The following DNAJC1 variants were observed in gnomAD, a reference collection of about 807,000 sequenced individuals.
DNAJC1 encodes the protein DnaJ heat shock protein family (Hsp40) member C1.
Under a neutral mutation model 76.6 loss-of-function variants are expected in DNAJC1, and 58 were observed. That is an observed-to-expected ratio of 0.76 (90% CI 0.61 to 0.94). The LOEUF (loss-of-function observed/expected upper bound fraction) is 0.94. Among genes scored for constraint, DNAJC1 ranks in the 40% least tolerant of loss-of-function variants. DNAJC1 has a pLI of 0.00. For missense variants in DNAJC1, 689 were observed against 677.3 expected (o/e 1.02, Z -0.19); for synonymous variants, 258 against 267.9 (o/e 0.96, Z 0.36).
At chr10:21,877,719 T>C (rs140253617) in intron 8 of DNAJC1, among the ~76,000 whole-genome samples, 75 of 152,310 alleles carry the variant, frequency 4.9e-4, no homozygotes, top group Non-Finnish European at 1.0e-3. Flanking sequence ...GCTGCTAAAG[T>C]ATAAATTGAC....
At chr10:21,896,735 AGG>A (rs367681859) in intron 7 of DNAJC1, among the ~76,000 whole-genome samples, 1 of 151,542 alleles carries the variant, frequency 6.6e-6, no homozygotes, top group Admixed American at 6.6e-5. Context: ...AAATTTTGGA[AGG>A]GGGGGGTTCA....
At chr10:21,784,601 G>A (rs924077315) in intron 9 of DNAJC1, among the ~76,000 whole-genome samples, 1 of 152,240 alleles carries the variant, frequency 6.6e-6, no homozygotes, top group African/African-American at 2.4e-5. Context: ...ACATGCACAC[G>A]TATGTTTATT....
chr10:21,939,689 G>A (rs1265326429), intron 1 of DNAJC1, among the ~76,000 whole-genome samples: 5 of 152,084 alleles, frequency 3.3e-5, no homozygotes, highest in Admixed American at 6.5e-5. Context: ...TTGTGAAAGT[G>A]CACTCCATGA....
chr10:21,973,297 G>C (rs1170514698), intron 1 of DNAJC1, among the ~76,000 whole-genome samples: 1 of 152,078 alleles, frequency 6.6e-6, no homozygotes, highest in Non-Finnish European at 1.5e-5. Flanking sequence ...CAGTTATTAG[G>C]TTAAGTTTTA....
At chr10:21,839,247 G>A (rs1747103852) in intron 8 of DNAJC1, among the ~76,000 whole-genome samples, 1 of 152,132 alleles carries the variant, frequency 6.6e-6, no homozygotes, top group African/African-American at 2.4e-5. Context: ...AAATAGCTAA[G>A]ATCAGAGCAG....
At chr10:21,843,999 T>C (rs1052583877) in intron 8 of DNAJC1, among the ~76,000 whole-genome samples, 1 of 152,170 alleles carries the variant, frequency 6.6e-6, no homozygotes, top group African/African-American at 2.4e-5. Flanking sequence ...TGAGTAAGTC[T>C]TACAAGATCT....
intron 1 of DNAJC1, among the ~76,000 whole-genome samples, chr10:21,998,159 G>A (rs558817263): frequency 6.6e-6 from 1 of 152,104 alleles, no homozygotes; most frequent in Non-Finnish European, 1.5e-5. Context: ...GGGAGGCCGA[G>A]GTGGGTGGAT....
intron 1 of DNAJC1, among the ~76,000 whole-genome samples, chr10:21,965,382 T>C (rs1205106145): frequency 6.6e-6 from 1 of 152,166 alleles, no homozygotes; most frequent in Non-Finnish European, 1.5e-5. Context: ...TTAACCATAC[T>C]ACAAGTACTA....
rs142308075 is a variant in DNAJC1 at position 21,797,944 on chromosome 10, T to G, written c.1098+8036A>C. Among the ~76,000 whole-genome samples the G allele has an allele frequency of 5.1e-3, 770 of 152,304 alleles. 9 individuals are homozygous for G. Among genetic ancestry groups the G allele is most frequent in the African/African-American group, 0.018 (731 of 41,568 alleles). On this transcript the variant is annotated intron_variant, in intron 9 of 11. Transcript: ENST00000376980. ...TGAGGTAGGCCTATATATACTGTCA[T>G]GAAAAAAATTCAAAGACAAATGTTT...
intron 8 of DNAJC1, among the ~76,000 whole-genome samples, chr10:21,814,194 T>C (rs1835037566): frequency 6.6e-6 from 1 of 152,168 alleles, no homozygotes; most frequent in Non-Finnish European, 1.5e-5. Context: ...CACTTCCTTT[T>C]ACTGTCTATT....
At chr10:21,874,853 A>C (rs998155836) in intron 8 of DNAJC1, among the ~76,000 whole-genome samples, 2 of 152,134 alleles carry the variant, frequency 1.3e-5, no homozygotes, top group Admixed American at 1.3e-4. Flanking sequence ...TAATAGTAAC[A>C]TGATAAAAGT....
chr10:21,759,053 A>T, intron 11 of DNAJC1, 117 bp downstream of exon 11: 1 of 1,032,668 alleles, frequency 9.7e-7, no homozygotes, highest in Non-Finnish European at 1.4e-6. Flanking sequence ...GGAAAGAAGA[A>T]ATCACGGGGC....
At chr10:21,911,454 A>C (rs922548942) in intron 6 of DNAJC1, among the ~76,000 whole-genome samples, 1 of 152,230 alleles carries the variant, frequency 6.6e-6, no homozygotes, top group Non-Finnish European at 1.5e-5. Flanking sequence ...GTAAAATTGT[A>C]CATTTTGATA....
At chr10:21,985,764 A>G (rs1838235737) in intron 1 of DNAJC1, among the ~76,000 whole-genome samples, 2 of 152,206 alleles carry the variant, frequency 1.3e-5, no homozygotes, top group Admixed American at 1.3e-4. Flanking sequence ...TCATCCATTC[A>G]AGGGTGGCTA....
At chr10:21,769,543 T>C (rs963728209) in intron 9 of DNAJC1, among the ~76,000 whole-genome samples, 11 of 152,200 alleles carry the variant, frequency 7.2e-5, no homozygotes, top group African/African-American at 2.4e-4. Flanking sequence ...ATCCAAATCT[T>C]TCATTTTATA....
At chr10:21,783,016 C>T (rs1428453461) in intron 9 of DNAJC1, among the ~76,000 whole-genome samples, 1 of 152,176 alleles carries the variant, frequency 6.6e-6, no homozygotes, top group Non-Finnish European at 1.5e-5. Flanking sequence ...TCTTTCACCA[C>T]TCCTATTCAA....
chr10:21,943,908 CAAA>C (rs554420219), intron 1 of DNAJC1, among the ~76,000 whole-genome samples: 1 of 121,964 alleles, frequency 8.2e-6, no homozygotes. Context: ...GCCACATCAG[CAAA>C]AAAAAAAAAA....
At chr10:21,844,109 G>T (rs1835617773) in intron 8 of DNAJC1, among the ~76,000 whole-genome samples, 1 of 152,080 alleles carries the variant, frequency 6.6e-6, no homozygotes, top group Non-Finnish European at 1.5e-5. Flanking sequence ...ATGATTATGA[G>T]ACCTCCCCAG....
At chr10:21,973,662 A>T (rs1420763774) in intron 1 of DNAJC1, among the ~76,000 whole-genome samples, 2 of 152,102 alleles carry the variant, frequency 1.3e-5, no homozygotes. Flanking sequence ...TGTGTGAAAA[A>T]CCTGAATGTG....
Sources: gnomAD v4.1 joint callset for allele counts (sites outside exome capture counted in the v4.1 genomes callset) on GRCh38, gnomAD v4.1.1 for gene constraint, MANE v1.5 for transcripts, NCBI Gene and HGNC (gene_info 2026-07-23, HGNC 2026-07-21) for gene names.